The following FARS2 variants were observed in gnomAD, a reference collection of about 807,000 sequenced individuals.
FARS2 encodes phenylalanyl-tRNA synthetase 2, mitochondrial.
In FARS2, 40 loss-of-function variants were observed where a neutral mutation model predicts 46.4. The ratio of observed to expected loss-of-function variants is 0.86; its 90% CI spans 0.67 to 1.12. The LOEUF (loss-of-function observed/expected upper bound fraction) is 1.12. FARS2 is among the 50% of genes most tolerant of loss of function. The pLI is 0.00. For synonymous variants in FARS2, 234 were observed against 214.9 expected (o/e 1.09, Z -0.78); for missense variants, 513 against 567.9 (o/e 0.90, Z 0.98).
chr6:5,592,844 C>T (rs1773992561), intron 5 of FARS2, among the ~76,000 whole-genome samples: 1 of 152,220 alleles, frequency 6.6e-6, no homozygotes, highest in South Asian at 2.1e-4. Flanking sequence ...GCGAGAAAAG[C>T]CCAGAAAGGA....
At chr6:5,664,084 C>T (rs181017651) in intron 6 of FARS2, among the ~76,000 whole-genome samples, 114 of 152,304 alleles carry the variant, frequency 7.5e-4, no homozygotes, top group Middle Eastern at 6.8e-3. Flanking sequence ...AATCTGAACA[C>T]AAATTAAGTG....
At chr6:5,425,575 C>T (rs563273170) in intron 3 of FARS2, among the ~76,000 whole-genome samples, 15 of 152,232 alleles carry the variant, frequency 9.9e-5, no homozygotes, top group African/African-American at 3.1e-4. Flanking sequence ...GTGCAGAAGT[C>T]GGGAGGCTGG....
At chr6:5,415,595 G>A (rs1158506916) in intron 3 of FARS2, among the ~76,000 whole-genome samples, 2 of 152,162 alleles carry the variant, frequency 1.3e-5, no homozygotes, top group Admixed American at 1.3e-4. Context: ...GGGATTACAG[G>A]CGTGAGCCAC....
At chr6:5,519,553 G>A (rs1320832779) in intron 4 of FARS2, among the ~76,000 whole-genome samples, 2 of 152,040 alleles carry the variant, frequency 1.3e-5, no homozygotes, top group Non-Finnish European at 2.9e-5. Flanking sequence ...TGCTGAGTGA[G>A]GATTGAGTTA....
chr6:5,307,802 G>A (rs1305842342), intron 1 of FARS2, among the ~76,000 whole-genome samples: 4 of 152,114 alleles, frequency 2.6e-5, no homozygotes, highest in Non-Finnish European at 4.4e-5. Flanking sequence ...CAGCATCTCG[G>A]TGGGGCACAC....
intron 6 of FARS2, among the ~76,000 whole-genome samples, chr6:5,675,265 C>T (rs1442236142): frequency 6.6e-6 from 1 of 151,894 alleles, no homozygotes; most frequent in Non-Finnish European, 1.5e-5. Context: ...CTGGTAACCA[C>T]ATGTGTGCTG....
the FARS2 span, among the ~76,000 whole-genome samples, chr6:5,255,508 T>G: frequency 6.6e-6 from 1 of 152,094 alleles, no homozygotes; most frequent in Non-Finnish European, 1.5e-5. Flanking sequence ...AGCTTTTTTT[T>G]TCTAATATGA....
In FARS2 at chr6:5,355,757, G is replaced by A. The variant is rs368960376; in HGVS notation, c.-21-12793G>A. Reference sequence around the variant, plus strand: ...CACACACACGGTATAACATGCAAAAGGTTAGAAAGTCGAATGGTAAAACAT... The same window carrying A: ...CACACACACGGTATAACATGCAAAAAGTTAGAAAGTCGAATGGTAAAACAT... On this transcript the variant is annotated intron_variant, in intron 1 of 6. Coordinates refer to ENST00000274680, the MANE Select transcript of FARS2 (RefSeq NM_006567.5). 2.2e-4 allele frequency among the ~76,000 whole-genome samples: 33 copies of A among 152,054 alleles called. 1 individual carries two copies. Among genetic ancestry groups the A allele is most frequent in the African/African-American group, 7.5e-4 (31 of 41,494 alleles).
chr6:5,674,756 G>A lies in FARS2; in HGVS notation c.1217+61436G>A, dbSNP rs115051329. Among the ~76,000 whole-genome samples the A allele has an allele frequency of 5.9e-3, 904 of 152,198 alleles. 9 individuals carry two copies. Among genetic ancestry groups the A allele is most frequent in the African/African-American group, 0.021 (863 of 41,510 alleles). On this transcript the variant is annotated intron_variant, in intron 6 of 6. Coordinates refer to ENST00000274680, the MANE Select transcript of FARS2 (RefSeq NM_006567.5). ...ACCTAAATGAGATCAATATCATTTCGTTCTTCTGGGAGCAGTACTATTTTT... is the reference window on the plus strand; with the variant it reads ...ACCTAAATGAGATCAATATCATTTCATTCTTCTGGGAGCAGTACTATTTTT...
rs541996178 is a variant in FARS2, at chr6:5,623,570, G to C, written c.1217+10250G>C. Among the ~76,000 whole-genome samples the C allele has an allele frequency of 2.0e-5, 3 of 152,232 alleles. No homozygotes were observed. In the South Asian group the frequency reaches 6.2e-4, roughly 32 times the overall value. On this transcript the variant is annotated intron_variant, in intron 6 of 6. Transcript: ENST00000274680. ...CTACTAAAAATACAAAAATTAGCCA[G>C]ACGTGGTGGCACGCGCCTGTAATCC...
chr6:5,378,496 G>A (rs1370692560), intron 2 of FARS2, among the ~76,000 whole-genome samples: 1 of 152,134 alleles, frequency 6.6e-6, no homozygotes, highest in Admixed American at 6.5e-5. Flanking sequence ...CTGTTCTTGG[G>A]CTTCTCTTTC....
intron 4 of FARS2, among the ~76,000 whole-genome samples, chr6:5,444,303 C>T (rs1421256756): frequency 6.6e-6 from 1 of 151,702 alleles, no homozygotes; most frequent in Non-Finnish European, 1.5e-5. Flanking sequence ...CCCGTCTCTA[C>T]TAAAAATACA....
chr6:5,432,375 AT>A (rs1283950475), intron 4 of FARS2, among the ~76,000 whole-genome samples: 252 of 122,302 alleles, frequency 2.1e-3, no homozygotes, highest in African/African-American at 6.9e-3. Context: ...TATATTATAT[AT>A]TTATATATTA....
intron 6 of FARS2, among the ~76,000 whole-genome samples, chr6:5,681,735 A>G (rs1414633717): frequency 6.6e-6 from 1 of 152,216 alleles, no homozygotes; most frequent in African/African-American, 2.4e-5. Context: ...AACAGGCTCT[A>G]GCAAGGCCTT....
intron 4 of FARS2, among the ~76,000 whole-genome samples, chr6:5,517,948 G>C (rs1448431236): frequency 6.6e-6 from 1 of 152,196 alleles, no homozygotes; most frequent in Non-Finnish European, 1.5e-5. Context: ...AGGAAGATGT[G>C]GTAGGAGTTG....
At chr6:5,431,223 C>G (rs769033953) in intron 4 of FARS2, 51 bp downstream of exon 4, 1 of 1,593,970 alleles carries the variant, frequency 6.3e-7, no homozygotes, top group Non-Finnish European at 8.6e-7. Context: ...GGAACCCTCC[C>G]TTCTCAGGCA....
chr6:5,259,637 C>T (rs1428593241), upstream of FARS2, among the ~76,000 whole-genome samples: 1 of 152,214 alleles, frequency 6.6e-6, no homozygotes, highest in African/African-American at 2.4e-5. Context: ...GGGGGCCTAC[C>T]TAACCAGGTG....
chr6:5,688,933 G>A (rs550735639), intron 6 of FARS2, among the ~76,000 whole-genome samples: 6 of 152,174 alleles, frequency 3.9e-5, no homozygotes, highest in Non-Finnish European at 5.9e-5. Flanking sequence ...GTCTTGGGAG[G>A]GTGTATGTGT....
chr6:5,692,893 C>T (rs1036532796), intron 6 of FARS2, among the ~76,000 whole-genome samples: 1 of 152,178 alleles, frequency 6.6e-6, no homozygotes, highest in Non-Finnish European at 1.5e-5. Context: ...TGCCAACCCT[C>T]CCAAGCTTCA....
Sources: gnomAD v4.1 joint callset for allele counts (sites outside exome capture counted in the v4.1 genomes callset) on GRCh38, gnomAD v4.1.1 for gene constraint, MANE v1.5 for transcripts, NCBI Gene and HGNC (gene_info 2026-07-23, HGNC 2026-07-21) for gene names.